The following PDK3 variants were observed in gnomAD, a reference collection of about 807,000 sequenced individuals.
The protein encoded by PDK3 is pyruvate dehydrogenase kinase 3, also known as pyruvate dehydrogenase kinase, isozyme 3.
PDK3 carries 12 observed loss-of-function variants against 32.0 expected under a neutral mutation model. The observed-to-expected ratio is 0.37, with a 90% CI of 0.24 to 0.61. The LOEUF (loss-of-function observed/expected upper bound fraction) is 0.61, where lower values mean the gene tolerates loss of function less well. PDK3 is among the 20% of genes least tolerant of loss of function. The probability of loss-of-function intolerance (pLI) is 0.65; values close to 1 mark genes in which losing one functional copy is unlikely to be tolerated. For missense variants in PDK3, 188 were observed against 316.9 expected (o/e 0.59, Z 3.09); for synonymous variants, 122 against 116.3 (o/e 1.05, Z -0.31).
At chrX:24,474,279 C>T (rs186400499) in intron 1 of PDK3, among the ~76,000 whole-genome samples, 130 of 111,787 alleles carry the variant, frequency 1.2e-3, no homozygotes, top group African/African-American at 3.9e-3. Context: ...TTGCTCTGCA[C>T]AGAGCAGGTG....
rs1335011703 is a variant in PDK3 at position 24,498,989 on chromosome X, G to A, written c.320+89G>A. The A allele has an allele frequency of 6.0e-6, 3 of 500,682 alleles. No homozygotes were observed. In the South Asian group the frequency reaches 1.6e-4, roughly 27 times the overall value. 41.3% of individuals were successfully genotyped at this position (500,682 alleles called of 1,213,427 possible). A position where few individuals can be genotyped will look rare whatever the true frequency, so the allele number is the denominator to read the frequency against. On this transcript the variant is annotated intron_variant, in intron 3 of 10. Coordinates refer to ENST00000379162, the MANE Select transcript of PDK3 (RefSeq NM_005391.5). ...AATTCAAGTCATTAAGACTCAAGGA[G>A]TATGAATGTGGACAAAAGCGTTCAT...
chrX:24,496,568 CTTTTTTTTTTT>C lies in PDK3; in HGVS notation c.248+1698_248+1708del, dbSNP rs763095558. Among the ~76,000 whole-genome samples the C allele has an allele frequency of 7.6e-5, 3 of 39,324 alleles. 1 individual carries two copies. The highest frequency in any genetic ancestry group is 1.1e-4 in the African/African-American group (1 of 8,992). 34.1% of individuals were successfully genotyped at this position (39,324 alleles called of 115,157 possible). A position where few individuals can be genotyped will look rare whatever the true frequency, so the allele number is the denominator to read the frequency against. ...CTAATTGTCCTGATACTACCCCCAT[CTTTTTTTTTTT>C]TTTTTTTTTTTTGCAGTTTCTCCTC... On this transcript the variant is annotated intron_variant, in intron 2 of 10. Transcript: ENST00000379162.
chrX:24,539,077 A>G, downstream of PDK3: 1 of 736,863 alleles, frequency 1.4e-6, no homozygotes, highest in South Asian at 2.3e-5. Flanking sequence ...CCTGGTCAAA[A>G]CAGAGGAGGT....
intron 1 of PDK3, among the ~76,000 whole-genome samples, chrX:24,493,199 A>T (rs755844662): frequency 5.2e-4 from 58 of 111,213 alleles, no homozygotes; most frequent in African/African-American, 1.8e-3. Flanking sequence ...TAGTTAAAAG[A>T]TTTACCAAAG....
intron 1 of PDK3, among the ~76,000 whole-genome samples, chrX:24,487,696 C>A (rs772628642): frequency 9.2e-6 from 1 of 109,224 alleles, no homozygotes; most frequent in Admixed American, 9.9e-5. Flanking sequence ...TGGTGCCTTG[C>A]GGGTAATTTT....
Position 24,465,527 on chromosome X carries a change from G to C in PDK3, c.72G>C (p.Pro24=). The C allele has an allele frequency of 8.3e-7, 1 of 1,208,291 alleles. No homozygotes were observed. The highest frequency in any genetic ancestry group is 1.8e-5 in the South Asian group (1 of 56,877). ...KQIERYSRFS[P]SPLSIKQFLD... ...TCGAGCGCTACTCGCGCTTTTCGCC[G>C]TCGCCGCTCTCCATCAAACAATTCC... Residue 24 remains proline (P), a synonymous_variant, in exon 1 of 11, where the codon CCG becomes CCC. Coordinates refer to ENST00000379162, the MANE Select transcript of PDK3 (RefSeq NM_005391.5).
chrX:24,503,862 A>G (rs772089388), intron 4 of PDK3, among the ~76,000 whole-genome samples: 1 of 112,078 alleles, frequency 8.9e-6, no homozygotes, highest in Admixed American at 9.5e-5. Flanking sequence ...TTCTTTATCC[A>G]GGATATTATG....
At chrX:24,485,831 G>C (rs1425736340) in intron 1 of PDK3, among the ~76,000 whole-genome samples, 1 of 111,368 alleles carries the variant, frequency 9.0e-6, no homozygotes, top group Non-Finnish European at 1.9e-5. Context: ...TCTTTAGCCT[G>C]CTTCCTTCCC....
chrX:24,498,790 A>G (rs371104170), intron 2 of PDK3, 39 bp from the exon 3 acceptor site: 24 of 893,071 alleles, frequency 2.7e-5, no homozygotes, highest in Non-Finnish European at 3.6e-5. Context: ...GGCAACTAAC[A>G]TAGTAACTCT....
At chrX:24,470,708 A>AG (rs1569217021) in intron 1 of PDK3, among the ~76,000 whole-genome samples, 2 of 79,619 alleles carry the variant, frequency 2.5e-5, no homozygotes, top group Non-Finnish European at 6.3e-5. Context: ...AAAAAAAAAA[A>AG]AAGAAGAAAA....
chrX:24,525,000 T>C (rs1333023456), intron 6 of PDK3, among the ~76,000 whole-genome samples: 1 of 109,486 alleles, frequency 9.1e-6, no homozygotes, highest in African/African-American at 3.3e-5. Context: ...CTACTAAAAA[T>C]ACAAAAATTA....
chrX:24,472,675 CTTTTTTTTTTTTT>C (rs761538432), intron 1 of PDK3, among the ~76,000 whole-genome samples: 1 of 49,717 alleles, frequency 2.0e-5, no homozygotes, highest in Non-Finnish European at 3.4e-5. Context: ...TTCTTTCTTT[CTTTTTTTTTTTTT>C]TTTTTTTTTT....
At chrX:24,512,306 C>T (rs1261049678) in intron 5 of PDK3, among the ~76,000 whole-genome samples, 4 of 111,887 alleles carry the variant, frequency 3.6e-5, no homozygotes, top group Non-Finnish European at 5.6e-5. Flanking sequence ...ATTCTCACAG[C>T]GATGCTAAGT....
intron 1 of PDK3, among the ~76,000 whole-genome samples, chrX:24,479,702 T>A (rs995230259): frequency 9.1e-6 from 1 of 110,296 alleles, no homozygotes; most frequent in Non-Finnish European, 1.9e-5. Flanking sequence ...GGAGAATCGC[T>A]TGAACCAGGG....
In PDK3 at chrX:24,527,608, A is replaced by G. The variant is rs768849028; in HGVS notation, c.785A>G (p.Asp262Gly). The G allele has an allele frequency of 3.4e-6, 4 of 1,191,363 alleles. No individual in the cohort carries two copies. In the South Asian group the frequency reaches 7.3e-5, roughly 22 times the overall value. ...AGAGCGACAGTTGAACTCTATGAAG[A>G]CAGAAAAGAGGGCTACCCTGCTGTT... Reference protein sequence around the residue: ...SMRATVELYEDRKEGYPAVKT... With the variant: ...SMRATVELYEGRKEGYPAVKT... The change falls in exon 8 of 11, where the codon GAC becomes GGC. Residue 262 changes from aspartate to glycine, a missense_variant. Transcript: ENST00000379162.
chrX:24,512,033 T>C (rs1483046283), intron 5 of PDK3, among the ~76,000 whole-genome samples: 5 of 111,354 alleles, frequency 4.5e-5, no homozygotes, highest in African/African-American at 1.6e-4. Flanking sequence ...GTAGCATTAA[T>C]TGAATGTGCA....
At chrX:24,519,366 CT>C (rs1201625079) in intron 6 of PDK3, among the ~76,000 whole-genome samples, 1,461 of 86,643 alleles carry the variant, frequency 0.017, 21 homozygotes, top group African/African-American at 0.055. Context: ...AGACAAATGC[CT>C]TTTTTTTTTT....
chrX:24,465,468 C>G lies in PDK3; in HGVS notation c.13C>G (p.Arg5Gly). The G allele has an allele frequency of 8.3e-7, 1 of 1,205,218 alleles. No individual in the cohort carries two copies. Among genetic ancestry groups the G allele is most frequent in the Non-Finnish European group, 1.1e-6 (1 of 891,383 alleles). The part of the protein sequence containing the change: MRLF[R>G]WLLKQPVPKQ... ...CGCCCGGGCGAGGATGCGGCTGTTC[C>G]GGTGGCTGCTGAAGCAGCCGGTGCC... is the stretch of plus-strand genomic sequence containing the variant. Residue 5 changes from arginine to glycine, a missense_variant, in exon 1 of 11, where the codon CGG becomes GGG. Coordinates refer to ENST00000379162, the MANE Select transcript of PDK3 (RefSeq NM_005391.5).
At chrX:24,535,056 T>G (rs751400964), downstream of PDK3, among the ~76,000 whole-genome samples, 1 of 112,892 alleles carries the variant, frequency 8.9e-6, no homozygotes, top group Non-Finnish European at 1.9e-5. Flanking sequence ...AGAACAAGTT[T>G]CACTGTTTTA....
Sources: allele counts gnomAD v4.1 joint callset (sites outside exome capture counted in the v4.1 genomes callset), GRCh38; gene constraint gnomAD v4.1.1; transcripts MANE v1.5; gene names NCBI Gene and HGNC (gene_info 2026-07-23, HGNC 2026-07-21).